The following B4GALNT3 variants were observed in gnomAD, a reference collection of about 807,000 sequenced individuals.
B4GALNT3 encodes the protein beta-1,4-N-acetylgalactosaminyltransferase 3.
B4GALNT3 carries 86 observed loss-of-function variants against 120.2 expected under a neutral mutation model. The observed-to-expected ratio is 0.72, with a 90% CI of 0.60 to 0.86. B4GALNT3 has a LOEUF of 0.86. Ranked by LOEUF, B4GALNT3 falls within the 40% of genes least tolerant of loss-of-function variation. The probability of loss-of-function intolerance (pLI) is 0.00; values close to 1 mark genes in which losing one functional copy is unlikely to be tolerated. For synonymous variants in B4GALNT3, 518 were observed against 510.4 expected (o/e 1.01, Z -0.20); for missense variants, 1,167 against 1,298.9 (o/e 0.90, Z 1.56).
chr12:514,299 G>A (rs890010071), intron 1 of B4GALNT3, among the ~76,000 whole-genome samples: 2 of 136,584 alleles, frequency 1.5e-5, no homozygotes, highest in Admixed American at 7.0e-5. Flanking sequence ...CCGGGTTCAC[G>A]CCATTCTCCT....
chr12:552,308 C>T (rs1321281037), intron 12 of B4GALNT3, 145 bp downstream of exon 12: 2 of 713,452 alleles, frequency 2.8e-6, no homozygotes, highest in Non-Finnish European at 4.9e-6. Context: ...CACACACACA[C>T]ACACACACAC....
In B4GALNT3 at chr12:483,788, C is replaced by T. The variant is rs535498907; in HGVS notation, c.169+23243C>T. ...GACACTTTCTATTGTTTCCATTTTA[C>T]AGGTGAGAAAATTGAAGTTCAGAGG... On this transcript the variant is annotated intron_variant, in intron 1 of 19. Coordinates refer to ENST00000266383, the MANE Select transcript of B4GALNT3 (RefSeq NM_173593.4). Among the ~76,000 whole-genome samples, 7 of 152,290 alleles carry T rather than the reference C, an allele frequency of 4.6e-5. No homozygotes were observed. In the East Asian group the frequency reaches 1.4e-3, roughly 29 times the overall value.
At chr12:535,791 C>A (rs188011057) in intron 2 of B4GALNT3, among the ~76,000 whole-genome samples, 61 of 152,276 alleles carry the variant, frequency 4.0e-4, no homozygotes, top group Non-Finnish European at 7.5e-4. Flanking sequence ...TCAGGAGCCC[C>A]AAGGCTGAGC....
chr12:527,473 T>C (rs1177039454), intron 1 of B4GALNT3, among the ~76,000 whole-genome samples: 1 of 152,170 alleles, frequency 6.6e-6, no homozygotes, highest in Admixed American at 6.5e-5. Context: ...GGCAGGAAGC[T>C]GGGGGAAAGG....
intron 1 of B4GALNT3, among the ~76,000 whole-genome samples, chr12:485,138 G>T (rs1418586437): frequency 6.6e-6 from 1 of 152,126 alleles, no homozygotes; most frequent in Non-Finnish European, 1.5e-5. Context: ...ATTTGAACTG[G>T]GGTGTATGAT....
chr12:465,610 A>T (rs905098273), intron 1 of B4GALNT3, among the ~76,000 whole-genome samples: 6 of 152,058 alleles, frequency 3.9e-5, no homozygotes, highest in Non-Finnish European at 8.8e-5. Flanking sequence ...CCATATTTAG[A>T]GTCTCTCCTT....
intron 1 of B4GALNT3, among the ~76,000 whole-genome samples, chr12:470,943 G>A (rs988426806): frequency 2.0e-5 from 3 of 151,688 alleles, no homozygotes; most frequent in African/African-American, 7.3e-5. Flanking sequence ...TGGTCAGGCT[G>A]GTCTCGAACT....
chr12:474,895 G>A (rs1167755785), intron 1 of B4GALNT3, among the ~76,000 whole-genome samples: 1 of 95,346 alleles, frequency 1.0e-5, no homozygotes, highest in Non-Finnish European at 2.2e-5. Context: ...GTTGCAGTGA[G>A]CCAAGATTGA....
chr12:545,953 C>CGAGGAGTGGGGAGGTGA (rs1946999489), intron 6 of B4GALNT3, among the ~76,000 whole-genome samples: 1 of 15,424 alleles, frequency 6.5e-5, no homozygotes, highest in African/African-American at 3.2e-4. Context: ...TGGGGAGGTG[C>CGAGGAGTGGGGAGGTGA]GAGGAGTGGG....
At chr12:517,696 G>C (rs1946670580) in intron 1 of B4GALNT3, among the ~76,000 whole-genome samples, 1 of 152,216 alleles carries the variant, frequency 6.6e-6, no homozygotes, top group Non-Finnish European at 1.5e-5. Context: ...ACTTTGCTCA[G>C]TGCTCAGTTA....
intron 17 of B4GALNT3, 142 bp downstream of exon 17, chr12:558,230 C>T: frequency 2.1e-6 from 2 of 962,050 alleles, no homozygotes; most frequent in Non-Finnish European, 3.2e-6. Flanking sequence ...GTGCTGCAGG[C>T]CAGTGCTAGG....
At chr12:463,628 G>A (rs973014366) in intron 1 of B4GALNT3, among the ~76,000 whole-genome samples, 1 of 152,122 alleles carries the variant, frequency 6.6e-6, no homozygotes, top group East Asian at 1.9e-4. Flanking sequence ...GCAAACATAG[G>A]ACGCATATGT....
intron 7 of B4GALNT3, 62 bp downstream of exon 7, chr12:546,775 C>T (rs1947013044): frequency 2.0e-6 from 3 of 1,465,754 alleles, no homozygotes; most frequent in African/African-American, 2.8e-5. Context: ...CCCGGCTGCG[C>T]CCCTGTCCGC....
chr12:554,624 A>G (rs1947125631), intron 14 of B4GALNT3, among the ~76,000 whole-genome samples: 5 of 151,262 alleles, frequency 3.3e-5, no homozygotes, highest in Admixed American at 3.3e-4. Flanking sequence ...CCCCGTCTCT[A>G]CTAAAAATAC....
chr12:544,978 G>C lies in B4GALNT3; in HGVS notation c.538+6G>C, dbSNP rs1317350898. On this transcript the variant is annotated splice_donor_region_variant and intron_variant, in intron 5 of 19. Transcript: ENST00000266383. ...CCTGCACCCCTTTACTGATGGTGAG[G>C]CCAGCCCCAAAACCCCATCCTTCTT... 2 of 1,613,396 alleles carry C rather than the reference G, an allele frequency of 1.2e-6. No homozygotes were observed. The highest frequency in any genetic ancestry group is 2.7e-5 in the African/African-American group (2 of 74,878).
intron 7 of B4GALNT3, 25 bp from the exon 8 acceptor site, chr12:547,999 G>T: frequency 6.2e-7 from 1 of 1,608,852 alleles, no homozygotes; most frequent in Non-Finnish European, 8.5e-7. Context: ...ATGGCGCTCT[G>T]CTTCCCTGCC....
chr12:471,224 A>G (rs891987046), intron 1 of B4GALNT3, among the ~76,000 whole-genome samples: 15 of 150,406 alleles, frequency 1.0e-4, no homozygotes, highest in Non-Finnish European at 2.1e-4. Context: ...CTGTCTACTA[A>G]AAATACAAAA....
chr12:478,313 T>C (rs1261488117), intron 1 of B4GALNT3, among the ~76,000 whole-genome samples: 1 of 151,000 alleles, frequency 6.6e-6, no homozygotes, highest in African/African-American at 2.4e-5. Flanking sequence ...AAGCCTGATT[T>C]AGCTTGTTGA....
At chr12:529,207 G>C (rs1565603660) in intron 1 of B4GALNT3, among the ~76,000 whole-genome samples, 1 of 152,094 alleles carries the variant, frequency 6.6e-6, no homozygotes, top group Non-Finnish European at 1.5e-5. Context: ...CCCCCTGTAG[G>C]TGTCACCCCC....
Sources: gnomAD v4.1 joint callset for allele counts (sites outside exome capture counted in the v4.1 genomes callset) on GRCh38, gnomAD v4.1.1 for gene constraint, MANE v1.5 for transcripts, NCBI Gene and HGNC (gene_info 2026-07-23, HGNC 2026-07-21) for gene names.